Variants in SCYL2 observed in about 807,000 individuals in gnomAD.
SCYL2 encodes SCY1 like pseudokinase 2.
In SCYL2, 36 loss-of-function variants were observed where a neutral mutation model predicts 100.4. That is an observed-to-expected ratio of 0.36 (90% CI 0.27 to 0.47). The LOEUF (loss-of-function observed/expected upper bound fraction) is 0.47, where lower values mean the gene tolerates loss of function less well. Among genes scored for constraint, SCYL2 ranks in the 20% least tolerant of loss-of-function variants. The pLI, the probability that SCYL2 is intolerant of heterozygous loss-of-function variation, is 1.00. For synonymous variants in SCYL2, 330 were observed against 359.2 expected (o/e 0.92, Z 0.92); for missense variants, 902 against 1,083.9 (o/e 0.83, Z 2.36).
intron 3 of SCYL2, among the ~76,000 whole-genome samples, chr12:100,292,765 C>T (rs560279900): frequency 6.6e-6 from 1 of 152,122 alleles, no homozygotes; most frequent in Admixed American, 6.5e-5. Context: ...TTCCTGAGTC[C>T]CTGTTTTTAT....
intron 11 of SCYL2, among the ~76,000 whole-genome samples, chr12:100,325,194 G>A (rs908466966): frequency 9.9e-5 from 15 of 152,036 alleles, no homozygotes; most frequent in East Asian, 1.9e-4. Context: ...AGCCCCCGCC[G>A]CTCCCCACCC....
At chr12:100,311,869 C>T (rs2096342591) in intron 5 of SCYL2, among the ~76,000 whole-genome samples, 1 of 152,110 alleles carries the variant, frequency 6.6e-6, no homozygotes, top group African/African-American at 2.4e-5. Context: ...ACCTTATGAT[C>T]GTTGGTGATA....
At chr12:100,313,293 A>T (rs751450285) in intron 6 of SCYL2, 129 bp from the exon 7 acceptor site, 36 of 458,676 alleles carry the variant, frequency 7.8e-5, no homozygotes, top group South Asian at 1.8e-4. Flanking sequence ...CAATAGAATT[A>T]ACAGTGTGTT....
chr12:100,276,930 AATTTTCATTTTC>A (rs777836914), intron 1 of SCYL2, among the ~76,000 whole-genome samples: 2 of 151,842 alleles, frequency 1.3e-5, no homozygotes, highest in African/African-American at 4.8e-5. Context: ...ATGACCCACA[AATTTTCATTTTC>A]ATTTTCATTC....
At chr12:100,315,256 G>A (rs147343532) in intron 8 of SCYL2, among the ~76,000 whole-genome samples, 11 of 152,168 alleles carry the variant, frequency 7.2e-5, no homozygotes, top group Non-Finnish European at 1.0e-4. Flanking sequence ...GGTATGAATC[G>A]TAAGTAATGA....
At chr12:100,285,344 A>G (rs1029072996) in intron 2 of SCYL2, among the ~76,000 whole-genome samples, 1 of 152,234 alleles carries the variant, frequency 6.6e-6, no homozygotes, top group Non-Finnish European at 1.5e-5. Flanking sequence ...TGGATAAGCT[A>G]TATCTGTGTT....
chr12:100,332,999 A>C (rs1021262101), intron 13 of SCYL2, among the ~76,000 whole-genome samples: 24 of 151,964 alleles, frequency 1.6e-4, no homozygotes, highest in African/African-American at 5.3e-4. Context: ...TACAGGTGTG[A>C]GCCACATGCC....
chr12:100,327,994 T>C (rs1481025124), intron 12 of SCYL2, among the ~76,000 whole-genome samples: 1 of 152,162 alleles, frequency 6.6e-6, no homozygotes, highest in Non-Finnish European at 1.5e-5. Flanking sequence ...GTTTGTCTTC[T>C]TGGCTGGATG....
intron 1 of SCYL2, among the ~76,000 whole-genome samples, chr12:100,268,622 C>CT (rs1398876862): frequency 1.3e-5 from 2 of 152,108 alleles, no homozygotes; most frequent in Non-Finnish European, 2.9e-5. Context: ...TATTTTGTCT[C>CT]TAAGATTCAT....
chr12:100,279,572 T>C (rs1275371786), intron 1 of SCYL2, among the ~76,000 whole-genome samples: 1 of 152,258 alleles, frequency 6.6e-6, no homozygotes, highest in Non-Finnish European at 1.5e-5. Flanking sequence ...TCATGACTAT[T>C]GGGTTTTGTT....
intron 11 of SCYL2, among the ~76,000 whole-genome samples, chr12:100,326,156 A>G (rs979649288): frequency 4.6e-5 from 7 of 152,146 alleles, no homozygotes; most frequent in African/African-American, 1.7e-4. Context: ...GAAATAGAAA[A>G]CACATATATG....
chr12:100,325,568 A>G (rs545635898), intron 11 of SCYL2, among the ~76,000 whole-genome samples: 2 of 152,306 alleles, frequency 1.3e-5, no homozygotes, highest in South Asian at 4.1e-4. Flanking sequence ...AATTCTGACT[A>G]GGAAATTCCT....
At chr12:100,313,312 A>G (rs1411864127) in intron 6 of SCYL2, 110 bp from the exon 7 acceptor site, 13 of 476,834 alleles carry the variant, frequency 2.7e-5, no homozygotes, top group Non-Finnish European at 4.5e-5. Context: ...TTTAAAATGT[A>G]GTCAGTATAT....
chr12:100,273,532 C>T (rs1357685955), intron 1 of SCYL2, among the ~76,000 whole-genome samples: 2 of 152,220 alleles, frequency 1.3e-5, no homozygotes, highest in East Asian at 3.9e-4. Flanking sequence ...AATATTAAAC[C>T]ACCAAATGAA....
At chr12:100,337,543 C>G in intron 17 of SCYL2, 37 bp downstream of exon 17, 1 of 1,598,888 alleles carries the variant, frequency 6.3e-7, no homozygotes, top group East Asian at 2.2e-5. Context: ...TTCCAGAATA[C>G]GACTGTTAAG....
chr12:100,282,911 A>G (rs1033520546), intron 1 of SCYL2, 32 bp from the exon 2 acceptor site: 41 of 1,046,894 alleles, frequency 3.9e-5, no homozygotes, highest in Non-Finnish European at 5.7e-5. Context: ...ATAAGAAATG[A>G]TCAGTTCTCC....
chr12:100,270,527 A>G (rs901773733), intron 1 of SCYL2, among the ~76,000 whole-genome samples: 3 of 152,192 alleles, frequency 2.0e-5, no homozygotes, highest in Non-Finnish European at 4.4e-5. Context: ...AGTAGCTTCA[A>G]AAAACTTGGA....
intron 3 of SCYL2, among the ~76,000 whole-genome samples, chr12:100,293,519 GT>G (rs368880318): frequency 0.036 from 5,377 of 149,108 alleles, 182 homozygotes; most frequent in African/African-American, 0.089. Context: ...GTATTTACAT[GT>G]TTTTTTTTTA....
chr12:100,337,548 G>A (rs759178549), intron 17 of SCYL2, 42 bp downstream of exon 17: 54 of 1,579,084 alleles, frequency 3.4e-5, no homozygotes, highest in South Asian at 1.8e-4. Flanking sequence ...GAATACGACT[G>A]TTAAGGAGTA....
Sources: allele counts gnomAD v4.1 joint callset (sites outside exome capture counted in the v4.1 genomes callset), GRCh38; gene constraint gnomAD v4.1.1; transcripts MANE v1.5; gene names NCBI Gene and HGNC (gene_info 2026-07-23, HGNC 2026-07-21).